The following ALG5 variants were observed in gnomAD, a reference collection of about 807,000 sequenced individuals.
ALG5 encodes dolichyl-phosphate beta-glucosyltransferase.
ALG5 carries 26 observed loss-of-function variants against 51.8 expected under a neutral mutation model. The ratio of observed to expected loss-of-function variants is 0.50; its 90% CI spans 0.37 to 0.70. The LOEUF is 0.70. ALG5 is among the 30% of genes least tolerant of loss of function. ALG5 has a pLI of 0.00. For synonymous variants in ALG5, 141 were observed against 136.1 expected (o/e 1.04, Z -0.25); for missense variants, 311 against 399.3 (o/e 0.78, Z 1.88).
chr13:36,967,545 G>T, intron 7 of ALG5: 1 of 230,676 alleles, frequency 4.3e-6, no homozygotes. Flanking sequence ...ATTAAATAGG[G>T]CAGGAAGGAA....
chr13:36,952,692 C>T (rs971563612), intron 8 of ALG5, 93 bp from the exon 9 acceptor site: 2 of 678,960 alleles, frequency 2.9e-6, no homozygotes, highest in African/African-American at 3.8e-5. Context: ...GCTTACATGG[C>T]AGATATAAAG....
Position 36,999,272 on chromosome 13 carries a change from A to C in ALG5, c.29T>G (p.Val10Gly). Residue 10 changes from valine (V) to glycine (G), a missense_variant, in exon 1 of 10, where the codon GTG becomes GGG. Transcript: ENST00000239891. MAPLLLQLA[V>G]LGAALAAAAL... is the part of the protein sequence containing the mutation. ...TGCGGCCGCCAGCGCCGCGCCGAGC[A>C]CCGCCAGCTGCAACAGAAGCGGAGC... 1 of 1,580,514 alleles carries C rather than the reference A, an allele frequency of 6.3e-7. No homozygotes were observed. The highest frequency in any genetic ancestry group is 8.6e-7 in the Non-Finnish European group (1 of 1,166,340).
At chr13:36,954,173 A>T (rs560530060) in intron 8 of ALG5, among the ~76,000 whole-genome samples, 1 of 152,112 alleles carries the variant, frequency 6.6e-6, no homozygotes, top group South Asian at 2.1e-4. Flanking sequence ...TGCAGCCTCA[A>T]CCTCCCTGGA....
At chr13:36,950,861 C>T (rs1050593398) in intron 9 of ALG5, among the ~76,000 whole-genome samples, 2 of 152,110 alleles carry the variant, frequency 1.3e-5, no homozygotes, top group African/African-American at 2.4e-5. Context: ...GCTGGGATTA[C>T]AGGCATGAGT....
At position 36,989,589 on chromosome 13, in the gene ALG5, A is replaced by G. The variant is rs952981201; in HGVS notation, c.355-13T>C. On this transcript the variant is annotated splice_polypyrimidine_tract_variant and intron_variant, in intron 4 of 9. Coordinates refer to ENST00000239891, the MANE Select transcript of ALG5 (RefSeq NM_013338.5). ...ATTTAAAAGCTACCTATGAAATTATATAAAAATCAGAATAAAATTAATTTG... is the reference window on the plus strand; with the variant it reads ...ATTTAAAAGCTACCTATGAAATTATGTAAAAATCAGAATAAAATTAATTTG... 2 of 1,574,988 alleles carry G rather than the reference A, an allele frequency of 1.3e-6. No individual in the cohort carries two copies. Among genetic ancestry groups the G allele is most frequent in the Non-Finnish European group, 1.7e-6 (2 of 1,146,840 alleles).
intron 8 of ALG5, among the ~76,000 whole-genome samples, chr13:36,961,838 G>A (rs2058868572): frequency 6.6e-6 from 1 of 152,138 alleles, no homozygotes; most frequent in Non-Finnish European, 1.5e-5. Flanking sequence ...CTGGAGTGCA[G>A]TGGCGTGATC....
chr13:36,978,039 A>G (rs1358617052), intron 6 of ALG5, among the ~76,000 whole-genome samples: 1 of 151,058 alleles, frequency 6.6e-6, no homozygotes, highest in East Asian at 2.0e-4. Context: ...GGCACGTGGC[A>G]CCATGCCCGG....
chr13:36,992,768 C>G (rs1454351361), intron 4 of ALG5, among the ~76,000 whole-genome samples: 1 of 152,246 alleles, frequency 6.6e-6, no homozygotes, highest in East Asian at 1.9e-4. Flanking sequence ...CCTCACACCC[C>G]TCAGACTGTA....
chr13:36,955,686 GAAAA>G (rs35130767), intron 8 of ALG5, among the ~76,000 whole-genome samples: 74 of 36,486 alleles, frequency 2.0e-3, no homozygotes, highest in African/African-American at 4.4e-3. Context: ...CAGAGATTGT[GAAAA>G]AAAAAAAAAA....
intron 7 of ALG5, 38 bp downstream of exon 7, chr13:36,971,939 A>C (rs2058925848): frequency 6.5e-7 from 1 of 1,536,076 alleles, no homozygotes; most frequent in Admixed American, 1.9e-5. Context: ...ATAAAAGCCA[A>C]TTAATTGGCT....
intron 7 of ALG5, among the ~76,000 whole-genome samples, chr13:36,966,787 A>G (rs2058895665): frequency 1.3e-5 from 2 of 152,240 alleles, no homozygotes; most frequent in African/African-American, 2.4e-5. Context: ...AACATTTAAT[A>G]TCTCATACTA....
intron 1 of ALG5, 27 bp from the exon 2 acceptor site, chr13:36,995,623 CA>C: frequency 1.9e-6 from 3 of 1,580,180 alleles, no homozygotes; most frequent in Non-Finnish European, 2.6e-6. Flanking sequence ...ATGTCTTTTA[CA>C]AAACAGAAAT....
At chr13:36,983,559 C>T (rs1364049456) in intron 6 of ALG5, among the ~76,000 whole-genome samples, 1 of 77,074 alleles carries the variant, frequency 1.3e-5, no homozygotes, top group African/African-American at 5.3e-5. Flanking sequence ...CACAGTAAGA[C>T]CTTATCTCCT....
intron 8 of ALG5, among the ~76,000 whole-genome samples, chr13:36,956,838 A>T (rs1026769199): frequency 6.6e-6 from 1 of 152,106 alleles, no homozygotes; most frequent in African/African-American, 2.4e-5. Context: ...CGCCCAGCAG[A>T]TATTGAAGCC....
chr13:36,972,052 G>C lies in ALG5; in HGVS notation c.562-16C>G. ...CCATTTGATTCTGAGGGAAAAAGCA[G>C]AGATAGTTTTTCAATATTTAAATAT... On this transcript the variant is annotated splice_polypyrimidine_tract_variant and intron_variant, in intron 6 of 9. Transcript: ENST00000239891. 1 of 1,575,602 alleles carries C rather than the reference G, an allele frequency of 6.3e-7. No individual in the cohort carries two copies. Among genetic ancestry groups the C allele is most frequent in the Non-Finnish European group, 8.6e-7 (1 of 1,157,864 alleles).
intron 6 of ALG5, among the ~76,000 whole-genome samples, chr13:36,984,770 C>A (rs2058994727): frequency 6.6e-6 from 1 of 151,990 alleles, no homozygotes; most frequent in African/African-American, 2.4e-5. Context: ...AGGGACCCTC[C>A]CCTGGAGCTC....
chr13:36,972,851 G>A (rs2058931498), intron 6 of ALG5, among the ~76,000 whole-genome samples: 1 of 151,906 alleles, frequency 6.6e-6, no homozygotes, highest in Admixed American at 6.6e-5. Context: ...AATTAGCTGG[G>A]CGTGGTGGCG....
chr13:36,965,832 A>G lies in ALG5; in HGVS notation c.622-106T>C, dbSNP rs893756170. Reference sequence around the variant, plus strand: ...GTATTTTAATATTTAATTGACTGGTAGATCTTACATAAGAACACCACTGTT... The same window carrying G: ...GTATTTTAATATTTAATTGACTGGTGGATCTTACATAAGAACACCACTGTT... On this transcript the variant is annotated intron_variant, in intron 7 of 9. Coordinates refer to ENST00000239891, the MANE Select transcript of ALG5 (RefSeq NM_013338.5). The G allele has an allele frequency of 5.3e-6, 5 of 936,060 alleles. No homozygotes were observed. In the African/African-American group the frequency reaches 6.7e-5, roughly 12 times the overall value. The allele number at this position is 936,060 out of a possible 1,614,324, so 58.0% of individuals were successfully genotyped here.
intron 6 of ALG5, among the ~76,000 whole-genome samples, chr13:36,972,949 A>G (rs1288074470): frequency 1.0e-4 from 15 of 143,320 alleles, no homozygotes; most frequent in Non-Finnish European, 1.5e-4. Context: ...CCGAGATCAC[A>G]CCACTGTGCT....
Sources: gnomAD v4.1 joint callset for allele counts (sites outside exome capture counted in the v4.1 genomes callset) on GRCh38, gnomAD v4.1.1 for gene constraint, MANE v1.5 for transcripts, NCBI Gene and HGNC (gene_info 2026-07-23, HGNC 2026-07-21) for gene names.